GPATCH2: variants seen among roughly 807,000 people sequenced by gnomAD.
The protein encoded by GPATCH2 is G patch domain-containing protein 2.
Under a neutral mutation model 58.0 loss-of-function variants are expected in GPATCH2, and 51 were observed. That is an observed-to-expected ratio of 0.88 (90% CI 0.70 to 1.11). GPATCH2 has a LOEUF of 1.11. Ranked by LOEUF, GPATCH2 falls within the 50% of genes most tolerant of loss-of-function variation. The probability of loss-of-function intolerance (pLI) is 0.00; values close to 1 mark genes in which losing one functional copy is unlikely to be tolerated. For synonymous variants in GPATCH2, 222 were observed against 218.5 expected (o/e 1.02, Z -0.14); for missense variants, 625 against 652.2 (o/e 0.96, Z 0.45).
At chr1:217,539,396 A>C (rs769237679) in intron 5 of GPATCH2, among the ~76,000 whole-genome samples, 7 of 152,304 alleles carry the variant, frequency 4.6e-5, no homozygotes, top group Non-Finnish European at 5.9e-5. Context: ...AAACAGACTG[A>C]CTATTTGAAA....
At chr1:217,572,027 AGGT>A (rs1666588096) in intron 5 of GPATCH2, among the ~76,000 whole-genome samples, 1 of 124,406 alleles carries the variant, frequency 8.0e-6, no homozygotes. Flanking sequence ...GAAGGAAGGG[AGGT>A]AGGGAGGGAG....
intron 5 of GPATCH2, among the ~76,000 whole-genome samples, chr1:217,571,697 C>T (rs1388744966): frequency 6.2e-5 from 4 of 64,484 alleles, no homozygotes; most frequent in African/African-American, 1.3e-4. Flanking sequence ...AGAACAAAAA[C>T]GAAACCAAAA....
chr1:217,600,406 T>C (rs1355075799), intron 5 of GPATCH2, among the ~76,000 whole-genome samples: 8 of 152,170 alleles, frequency 5.3e-5, no homozygotes, highest in Admixed American at 5.2e-4. Context: ...TTTTCAGTTC[T>C]TCAAATTCAC....
intron 5 of GPATCH2, among the ~76,000 whole-genome samples, chr1:217,588,858 A>G (rs1390786072): frequency 6.6e-6 from 1 of 152,232 alleles, no homozygotes; most frequent in Non-Finnish European, 1.5e-5. Flanking sequence ...AGTTAAAGAA[A>G]TATCCCACTA....
intron 5 of GPATCH2, among the ~76,000 whole-genome samples, chr1:217,588,940 A>T (rs1667466567): frequency 1.3e-5 from 2 of 152,208 alleles, no homozygotes; most frequent in African/African-American, 4.8e-5. Flanking sequence ...TTATGCAGTC[A>T]TCTGCTTACG....
intron 5 of GPATCH2, among the ~76,000 whole-genome samples, chr1:217,580,094 G>A (rs867132167): frequency 1.2e-4 from 18 of 152,138 alleles, no homozygotes; most frequent in African/African-American, 2.9e-4. Context: ...CAAATAATTC[G>A]TTTCACTTAG....
intron 6 of GPATCH2, among the ~76,000 whole-genome samples, chr1:217,506,423 T>C (rs1356446586): frequency 6.6e-6 from 1 of 152,130 alleles, no homozygotes; most frequent in Non-Finnish European, 1.5e-5. Context: ...CAATATACTA[T>C]AACAGGGTTT....
intron 5 of GPATCH2, among the ~76,000 whole-genome samples, chr1:217,550,031 T>G (rs897340436): frequency 1.3e-5 from 2 of 152,104 alleles, no homozygotes; most frequent in African/African-American, 4.8e-5. Context: ...AGTTTCCTAT[T>G]TTCCTAAATA....
intron 8 of GPATCH2, among the ~76,000 whole-genome samples, chr1:217,489,413 A>C (rs1265920428): frequency 6.6e-6 from 1 of 152,250 alleles, no homozygotes; most frequent in African/African-American, 2.4e-5. Flanking sequence ...CTAATGAAGT[A>C]GACATCTTAA....
At chr1:217,439,107 C>G (rs1300679008) in intron 9 of GPATCH2, among the ~76,000 whole-genome samples, 1 of 152,090 alleles carries the variant, frequency 6.6e-6, no homozygotes, top group Non-Finnish European at 1.5e-5. Flanking sequence ...CTAAAATTGA[C>G]CACGTAATTG....
At chr1:217,498,925 C>T (rs1388409377) in intron 6 of GPATCH2, among the ~76,000 whole-genome samples, 1 of 152,134 alleles carries the variant, frequency 6.6e-6, no homozygotes, top group African/African-American at 2.4e-5. Context: ...TAGATTCTGG[C>T]TGAGAATGAA....
chr1:217,542,219 TG>T (rs1402611694), intron 5 of GPATCH2, among the ~76,000 whole-genome samples: 13 of 152,194 alleles, frequency 8.5e-5, no homozygotes, highest in African/African-American at 2.9e-4. Flanking sequence ...ACATACTGAT[TG>T]TAAGTGACAG....
intron 5 of GPATCH2, among the ~76,000 whole-genome samples, chr1:217,544,525 T>TA (rs1347425698): frequency 6.6e-6 from 1 of 152,164 alleles, no homozygotes; most frequent in Non-Finnish European, 1.5e-5. Context: ...CCAGCCTAAG[T>TA]AAACCCTAAT....
chr1:217,507,711 A>G (rs1662630276), intron 6 of GPATCH2, among the ~76,000 whole-genome samples: 1 of 152,134 alleles, frequency 6.6e-6, no homozygotes. Context: ...TTACCTTTTA[A>G]TTTCTAAATG....
rs556796763 is a variant in GPATCH2, at chr1:217,441,732, T to C, written c.1366+7517A>G. On this transcript the variant is annotated intron_variant, in intron 9 of 9. Coordinates refer to ENST00000366935, the MANE Select transcript of GPATCH2 (RefSeq NM_018040.5). ...AGAAGACATTTATGTGGCCAACAAA[T>C]ATGAAAAAAAGCTCATCATCACTGG... Among the ~76,000 whole-genome samples the C allele has an allele frequency of 2.8e-3, 424 of 151,652 alleles. 1 individual carries two copies. The highest frequency in any genetic ancestry group is 9.7e-3 in the African/African-American group (403 of 41,422).
At chr1:217,477,901 T>A (rs543223340) in intron 8 of GPATCH2, among the ~76,000 whole-genome samples, 6 of 152,120 alleles carry the variant, frequency 3.9e-5, no homozygotes, top group Non-Finnish European at 7.4e-5. Context: ...TCTGGTGGTG[T>A]TCAAGGAGAT....
rs182152481 is a variant in GPATCH2 at position 217,444,021 on chromosome 1, G to A, written c.1366+5228C>T. On this transcript the variant is annotated intron_variant, in intron 9 of 9. Transcript: ENST00000366935. ...TCTCTGAGGCCTGGGTTGAAGGCCT[G>A]CACCTCTAGAGTGGCTTTGAATGTG... Among the ~76,000 whole-genome samples the A allele has an allele frequency of 1.0e-3, 159 of 152,260 alleles. 1 individual carries two copies. Among genetic ancestry groups the A allele is most frequent in the African/African-American group, 3.5e-3 (145 of 41,542 alleles).
In GPATCH2 at chr1:217,620,307, C is replaced by A. The variant is rs1157830413; in HGVS notation, c.249G>T (p.Glu83Asp). The A allele has an allele frequency of 5.6e-6, 9 of 1,614,020 alleles. No individual in the cohort carries two copies. Among genetic ancestry groups the A allele is most frequent in the Non-Finnish European group, 7.6e-6 (9 of 1,180,028 alleles). ...RRSYNVHHPW[E>D]TGHCLSEGSD... Reference sequence around the variant, plus strand: ...AGCCTTCACTTAAGCAGTGACCAGTCTCCCACGGGTGATGCACATTATACG... The same window carrying A: ...AGCCTTCACTTAAGCAGTGACCAGTATCCCACGGGTGATGCACATTATACG... Residue 83 changes from glutamate to aspartate, a missense_variant, in exon 2 of 10, where the codon GAG becomes GAT. Physicochemically the swap from Glu to Asp is conservative, Grantham distance 45. Transcript: ENST00000366935.
At chr1:217,496,754 C>G (rs142753345) in intron 7 of GPATCH2, among the ~76,000 whole-genome samples, 87 of 152,200 alleles carry the variant, frequency 5.7e-4, no homozygotes, top group African/African-American at 2.0e-3. Flanking sequence ...ACCTGGGGCT[C>G]AAAGAAACCT....
Sources: gnomAD v4.1 joint callset for allele counts (sites outside exome capture counted in the v4.1 genomes callset) on GRCh38, gnomAD v4.1.1 for gene constraint, MANE v1.5 for transcripts, NCBI Gene and HGNC (gene_info 2026-07-23, HGNC 2026-07-21) for gene names.